Variants in INSM1 observed in about 807,000 individuals in gnomAD.
The protein encoded by INSM1 is INSM transcriptional repressor 1.
INSM1 carries 11 observed loss-of-function variants against 21.1 expected under a neutral mutation model. That is an observed-to-expected ratio of 0.52 (90% confidence interval 0.33 to 0.86). The LOEUF (loss-of-function observed/expected upper bound fraction) is 0.86, where lower values mean the gene tolerates loss of function less well. Among genes scored for constraint, INSM1 ranks in the 40% least tolerant of loss-of-function variants. INSM1 has a pLI of 0.03. For synonymous variants in INSM1, 473 were observed against 386.1 expected, an observed-to-expected ratio of 1.23 and a Z score of -2.64; for missense variants, 843 against 760.1, an observed-to-expected ratio of 1.11 and a Z score of -1.28.
rs2122528401 is a variant in INSM1 at position 20,369,829 on chromosome 20, T to C, written c.*29T>C. 1 of 1,557,346 alleles carries C rather than the reference T, an allele frequency of 6.4e-7. No individual in the cohort carries two copies. Among genetic ancestry groups the C allele is most frequent in the Middle Eastern group, 1.7e-4 (1 of 5,792 alleles). On this transcript the variant is annotated 3_prime_UTR_variant, in exon 1 of 1. Coordinates refer to ENST00000310227, the MANE Select transcript of INSM1 (RefSeq NM_002196.3). The surrounding 1 kb of genome is among the most constrained non-coding windows in gnomAD (Gnocchi z 5.6). ...GCGCCCTCCACCCCGGCCCCCGAAC[T>C]GTGCCTTCGCTTGGAGACCCACAAA...
In INSM1 at chr20:20,368,510, G is replaced by T. The variant is rs2059484788; in HGVS notation, c.243G>T (p.Gln81His). The T allele has an allele frequency of 1.6e-6, 2 of 1,226,600 alleles. No homozygotes were observed. The highest frequency in any genetic ancestry group is 2.1e-6 in the Non-Finnish European group (2 of 967,032). The allele number at this position is 1,226,600 out of a possible 1,614,324, so 76.0% of individuals were successfully genotyped here. ...CGCCTGGGCCGCAGCCACCCCCGCAGGGCCCGCGGGCCGCGCACTTCGGCA... is the reference window on the plus strand; with the variant it reads ...CGCCTGGGCCGCAGCCACCCCCGCATGGCCCGCGGGCCGCGCACTTCGGCA... Reference protein sequence around the residue: ...ACAPGPQPPPQGPRAAHFGNP... With the variant: ...ACAPGPQPPPHGPRAAHFGNP... Residue 81 changes from glutamine (Q) to histidine (H), a missense_variant, in exon 1 of 1, where the codon CAG becomes CAT. By Grantham distance (24) the Gln-to-His change is conservative. Coordinates refer to ENST00000310227, the MANE Select transcript of INSM1 (RefSeq NM_002196.3). The surrounding 1 kb of genome is among the most constrained non-coding windows in gnomAD (Gnocchi z 4.3).
rs1358927470 is a variant in INSM1, at chr20:20,368,816, G to A, written c.549G>A (p.Pro183=). Reference sequence around the variant, plus strand: ...CTGGCGCCGAGGCGGCCCGCGGCCCGGGCCCCGGCCCCCCACTGCCCCCTG... The same window carrying A: ...CTGGCGCCGAGGCGGCCCGCGGCCCAGGCCCCGGCCCCCCACTGCCCCCTG... The part of the protein sequence containing the change: ...FSAGAEAARG[P]GPGPPLPPAA... The change falls in exon 1 of 1, where the codon CCG becomes CCA. Residue 183 remains proline (P), a synonymous_variant. Coordinates refer to ENST00000310227, the MANE Select transcript of INSM1 (RefSeq NM_002196.3). The surrounding 1 kb of genome is among the most constrained non-coding windows in gnomAD (Gnocchi z 4.3). The A allele has an allele frequency of 1.8e-6, 2 of 1,111,048 alleles. No individual in the cohort carries two copies. The highest frequency in any genetic ancestry group is 4.7e-5 in the Admixed American group (1 of 21,242). 68.8% of individuals were successfully genotyped at this position (1,111,048 alleles called of 1,614,324 possible). A position where few individuals can be genotyped will look rare whatever the true frequency, so the allele number is the denominator to read the frequency against.
Position 20,369,590 on chromosome 20 carries a change from C to T in INSM1, c.1323C>T (p.His441=), listed in dbSNP as rs202019561. 6 of 1,600,156 alleles carry T rather than the reference C, an allele frequency of 3.7e-6. No homozygotes were observed. The highest frequency in any genetic ancestry group is 4.5e-5 in the East Asian group (2 of 44,830). The part of the protein sequence containing the change: ...VLGLSASAEC[H]LCPVCGESFA... Reference sequence around the variant, plus strand: ...GCCTGAGTGCGTCCGCCGAGTGCCACCTGTGCCCAGTGTGCGGAGAGTCGT... The same window carrying T: ...GCCTGAGTGCGTCCGCCGAGTGCCATCTGTGCCCAGTGTGCGGAGAGTCGT... Residue 441 remains histidine (H), a synonymous_variant, in exon 1 of 1, where the codon CAC becomes CAT. Transcript: ENST00000310227. This position sits in a 1 kb window ranked among gnomAD's most constrained non-coding sequence, Gnocchi z 5.6.
Position 20,368,367 on chromosome 20 carries a change from C to G in INSM1, c.100C>G (p.Pro34Ala). 8.8e-7 allele frequency: 1 copy of G among 1,136,872 alleles called. No homozygotes were observed. Among genetic ancestry groups the G allele is most frequent in the Non-Finnish European group, 1.1e-6 (1 of 918,480 alleles). The allele number at this position is 1,136,872 out of a possible 1,614,324, so 70.4% of individuals were successfully genotyped here. The change falls in exon 1 of 1, where the codon CCC becomes GCC. Residue 34 changes from proline to alanine, a missense_variant. Pro to Ala is a conservative substitution (Grantham distance 27, BLOSUM62 -1). Coordinates refer to ENST00000310227, the MANE Select transcript of INSM1 (RefSeq NM_002196.3). This position sits in a 1 kb window ranked among gnomAD's most constrained non-coding sequence, Gnocchi z 4.3. ...EDGDRALLLS[P>A]SCGGARAEPP... ...CGGCGACCGCGCACTGCTGCTCTCG[C>G]CCAGCTGCGGGGGCGCCCGCGCCGA...
At position 20,368,379 on chromosome 20, in the gene INSM1, G is replaced by C. The variant is rs746162324; in HGVS notation, c.112G>C (p.Gly38Arg). Reference sequence around the variant, plus strand: ...ACTGCTGCTCTCGCCCAGCTGCGGGGGCGCCCGCGCCGAGCCCCCGGCGCC... The same window carrying C: ...ACTGCTGCTCTCGCCCAGCTGCGGGCGCGCCCGCGCCGAGCCCCCGGCGCC... ...RALLLSPSCG[G>R]ARAEPPAPSP... Residue 38 changes from glycine to arginine, a missense_variant, in exon 1 of 1, where the codon GGC (glycine) becomes CGC (arginine). Gly to Arg is a moderately radical substitution (Grantham distance 125). Transcript: ENST00000310227. This position sits in a 1 kb window ranked among gnomAD's most constrained non-coding sequence, Gnocchi z 4.3. 1.0e-5 allele frequency: 11 copies of C among 1,079,252 alleles called. No individual in the cohort carries two copies. The highest frequency in any genetic ancestry group is 1.7e-5 in the African/African-American group (1 of 58,472). 66.9% of individuals were successfully genotyped at this position (1,079,252 alleles called of 1,614,324 possible).
Position 20,370,119 on chromosome 20 carries a change from G to T in INSM1, c.*319G>T. On this transcript the variant is annotated 3_prime_UTR_variant, in exon 1 of 1. Coordinates refer to ENST00000310227, the MANE Select transcript of INSM1 (RefSeq NM_002196.3). ...TGGTTGGAAGCCTCCCCTTGGCGGGGAGAAGCTTTTTTTCTTGCTAGTATT... is the reference window on the plus strand; with the variant it reads ...TGGTTGGAAGCCTCCCCTTGGCGGGTAGAAGCTTTTTTTCTTGCTAGTATT... 1 of 326,836 alleles carries T rather than the reference G, an allele frequency of 3.1e-6. No homozygotes were observed. Among genetic ancestry groups the T allele is most frequent in the East Asian group, 5.6e-5 (1 of 17,986 alleles). 20.2% of individuals were successfully genotyped at this position (326,836 alleles called of 1,614,324 possible). A position where few individuals can be genotyped will look rare whatever the true frequency, so the allele number is the denominator to read the frequency against.
chr20:20,369,275 G>T lies in INSM1; in HGVS notation c.1008G>T (p.Arg336Ser), dbSNP rs1417321354. Residue 336 changes from arginine to serine, a missense_variant, in exon 1 of 1, where the codon AGG (arginine) becomes AGT (serine). Transcript: ENST00000310227. The surrounding 1 kb of genome is among the most constrained non-coding windows in gnomAD (Gnocchi z 5.6). ...CGCCGGAGCCAGAAGCAGCAGCCAG[G>T]GCTGAGGCGCGGGAGGCACCCGGCG... ...ARAPEPEAAA[R>S]AEAREAPGGG... 2.9e-6 allele frequency: 4 copies of T among 1,396,484 alleles called. No individual in the cohort carries two copies. The highest frequency in any genetic ancestry group is 3.7e-6 in the Non-Finnish European group (4 of 1,088,132). 86.5% of individuals were successfully genotyped at this position (1,396,484 alleles called of 1,614,324 possible).
chr20:20,368,982 C>A lies in INSM1; in HGVS notation c.715C>A (p.Pro239Thr). The A allele has an allele frequency of 1.3e-6, 2 of 1,550,358 alleles. No homozygotes were observed. Among genetic ancestry groups the A allele is most frequent in the Non-Finnish European group, 8.7e-7 (1 of 1,151,064 alleles). Residue 239 changes from proline (P) to threonine (T), a missense_variant, in exon 1 of 1, where the codon CCC becomes ACC. Coordinates refer to ENST00000310227, the MANE Select transcript of INSM1 (RefSeq NM_002196.3). This position sits in a 1 kb window ranked among gnomAD's most constrained non-coding sequence, Gnocchi z 4.3. Reference sequence around the variant, plus strand: ...CTTCGAGGACGAGGTGACCACGTCGCCCGTGCTGGGGCTCAAGATCAAGGA... The same window carrying A: ...CTTCGAGGACGAGGTGACCACGTCGACCGTGCTGGGGCTCAAGATCAAGGA... ...LHFEDEVTTS[P>T]VLGLKIKEGP... is the part of the protein sequence containing the mutation.
In INSM1 at chr20:20,370,640, G is replaced by T. The variant is rs1352607962; in HGVS notation, c.*840G>T. On this transcript the variant is annotated 3_prime_UTR_variant, in exon 1 of 1. Transcript: ENST00000310227. ...TTATTTGATTGCAGATTTTTTTGGCGCGCTGCCCCCTCCCCACCCTGCCAC... is the reference window on the plus strand; with the variant it reads ...TTATTTGATTGCAGATTTTTTTGGCTCGCTGCCCCCTCCCCACCCTGCCAC... 2 of 166,436 alleles carry T rather than the reference G, an allele frequency of 1.2e-5. No homozygotes were observed. Among genetic ancestry groups the T allele is most frequent in the Non-Finnish European group, 2.9e-5 (2 of 68,030 alleles). The allele number at this position is 166,436 out of a possible 1,614,324, so 10.3% of individuals were successfully genotyped here. A position where few individuals can be genotyped will look rare whatever the true frequency, so the allele number is the denominator to read the frequency against.
rs1216987874 is a variant in INSM1 at position 20,369,042 on chromosome 20, G to A, written c.775G>A (p.Gly259Ser). ...GGAGGCGCCGCGGGGCCGCGCGGGG[G>A]GCGCGGCGCGGCCGCTGGGCGAGTT... ...PVEAPRGRAG[G>S]AARPLGEFIC... Residue 259 changes from glycine (G) to serine (S), a missense_variant, in exon 1 of 1, where the codon GGC (glycine) becomes AGC (serine). By Grantham distance (56) the Gly-to-Ser change is moderately conservative (BLOSUM62 0). Transcript: ENST00000310227. The surrounding 1 kb of genome is among the most constrained non-coding windows in gnomAD (Gnocchi z 5.6). The A allele has an allele frequency of 6.5e-7, 1 of 1,545,976 alleles. No individual in the cohort carries two copies. The highest frequency in any genetic ancestry group is 2.4e-5 in the East Asian group (1 of 40,888).
At position 20,369,074 on chromosome 20, in the gene INSM1, C is replaced by A; in HGVS notation, c.807C>A (p.Cys269Ter). 6.3e-7 allele frequency: 1 copy of A among 1,579,130 alleles called. No homozygotes were observed. The highest frequency in any genetic ancestry group is 8.6e-7 in the Non-Finnish European group (1 of 1,167,540). ...CGCGGCCGCTGGGCGAGTTCATCTG[C>A]CAGCTGTGCAAGGAGGAGTACGCCG... ...GAARPLGEFI[C>*]QLCKEEYADP... The change falls in exon 1 of 1, where the codon TGC (cysteine) becomes TGA (stop). Residue 269 changes from cysteine to a stop codon, truncating the protein, a stop_gained. Transcript: ENST00000310227. LOFTEE classifies it high-confidence loss of function. This position sits in a 1 kb window ranked among gnomAD's most constrained non-coding sequence, Gnocchi z 5.6.
In INSM1 at chr20:20,369,138, G is replaced by C; in HGVS notation, c.871G>C (p.Val291Leu). The C allele has an allele frequency of 1.9e-6, 3 of 1,586,528 alleles. No homozygotes were observed. The highest frequency in any genetic ancestry group is 1.7e-6 in the Non-Finnish European group (2 of 1,172,156). The change falls in exon 1 of 1, where the codon GTG becomes CTG. Residue 291 changes from valine (V) to leucine (L), a missense_variant. Val to Leu is a conservative substitution (Grantham distance 32, BLOSUM62 1). Coordinates refer to ENST00000310227, the MANE Select transcript of INSM1 (RefSeq NM_002196.3). This position sits in a 1 kb window ranked among gnomAD's most constrained non-coding sequence, Gnocchi z 5.6. ...ALAQHKCSRI[V>L]RVEYRCPECA... is the part of the protein sequence containing the mutation. ...GGCGCAGCACAAATGCTCGCGCATC[G>C]TGCGTGTGGAGTACCGCTGTCCCGA...
Position 20,369,834 on chromosome 20 carries a change from C to G in INSM1, c.*34C>G. On this transcript the variant is annotated 3_prime_UTR_variant, in exon 1 of 1. Coordinates refer to ENST00000310227, the MANE Select transcript of INSM1 (RefSeq NM_002196.3). The surrounding 1 kb of genome is among the most constrained non-coding windows in gnomAD (Gnocchi z 5.6). ...CTCCACCCCGGCCCCCGAACTGTGCCTTCGCTTGGAGACCCACAAAGAGAG... is the reference window on the plus strand; with the variant it reads ...CTCCACCCCGGCCCCCGAACTGTGCGTTCGCTTGGAGACCCACAAAGAGAG... 1 of 1,552,230 alleles carries G rather than the reference C, an allele frequency of 6.4e-7. No individual in the cohort carries two copies. The highest frequency in any genetic ancestry group is 8.7e-7 in the Non-Finnish European group (1 of 1,146,756).
chr20:20,368,266 A>T lies in INSM1; in HGVS notation c.-2A>T. 1 of 1,258,382 alleles carries T rather than the reference A, an allele frequency of 7.9e-7. No homozygotes were observed. The highest frequency in any genetic ancestry group is 1.7e-5 in the South Asian group (1 of 57,488). The allele number at this position is 1,258,382 out of a possible 1,614,324, so 78.0% of individuals were successfully genotyped here. A position where few individuals can be genotyped will look rare whatever the true frequency, so the allele number is the denominator to read the frequency against. ...AGTGCCGTGCCCTCGGGCCGCGCCAACATGCCCCGCGGCTTCCTGGTGAAG... is the reference window on the plus strand; with the variant it reads ...AGTGCCGTGCCCTCGGGCCGCGCCATCATGCCCCGCGGCTTCCTGGTGAAG... On this transcript the variant is annotated 5_prime_UTR_variant, in exon 1 of 1. Coordinates refer to ENST00000310227, the MANE Select transcript of INSM1 (RefSeq NM_002196.3). The surrounding 1 kb of genome is among the most constrained non-coding windows in gnomAD (Gnocchi z 4.3).
At position 20,368,252 on chromosome 20, in the gene INSM1, C is replaced by A; in HGVS notation, c.-16C>A. Reference sequence around the variant, plus strand: ...GGGGGGACCGAGCCAGTGCCGTGCCCTCGGGCCGCGCCAACATGCCCCGCG... The same window carrying A: ...GGGGGGACCGAGCCAGTGCCGTGCCATCGGGCCGCGCCAACATGCCCCGCG... On this transcript the variant is annotated 5_prime_UTR_variant, in exon 1 of 1. Coordinates refer to ENST00000310227, the MANE Select transcript of INSM1 (RefSeq NM_002196.3). The surrounding 1 kb of genome is among the most constrained non-coding windows in gnomAD (Gnocchi z 4.3). 1 of 1,220,324 alleles carries A rather than the reference C, an allele frequency of 8.2e-7. No homozygotes were observed. Among genetic ancestry groups the A allele is most frequent in the South Asian group, 2.0e-5 (1 of 50,422 alleles). 75.6% of individuals were successfully genotyped at this position (1,220,324 alleles called of 1,614,324 possible).
At position 20,369,993 on chromosome 20, in the gene INSM1, G is replaced by A. The variant is rs190815913; in HGVS notation, c.*193G>A. The stretch of plus-strand genomic sequence containing the variant: ...CCATACTCTCCTTTTGACTCCTTTT[G>A]GAACCCCCACTTTTACGTTGTGTCC... On this transcript the variant is annotated 3_prime_UTR_variant, in exon 1 of 1. Transcript: ENST00000310227. The surrounding 1 kb of genome is among the most constrained non-coding windows in gnomAD (Gnocchi z 5.6). 70 of 553,418 alleles carry A rather than the reference G, an allele frequency of 1.3e-4. 1 individual carries two copies. In the East Asian group the frequency reaches 1.9e-3, roughly 15 times the overall value. 34.3% of individuals were successfully genotyped at this position (553,418 alleles called of 1,614,324 possible). A position where few individuals can be genotyped will look rare whatever the true frequency, so the allele number is the denominator to read the frequency against.
Position 20,368,367 on chromosome 20 carries a change from C to T in INSM1, c.100C>T (p.Pro34Ser). ...CGGCGACCGCGCACTGCTGCTCTCGCCCAGCTGCGGGGGCGCCCGCGCCGA... is the reference window on the plus strand; with the variant it reads ...CGGCGACCGCGCACTGCTGCTCTCGTCCAGCTGCGGGGGCGCCCGCGCCGA... ...EDGDRALLLSPSCGGARAEPP... is the reference protein window; with the variant it reads ...EDGDRALLLSSSCGGARAEPP... The change falls in exon 1 of 1, where the codon CCC (proline) becomes TCC (serine). Residue 34 changes from proline to serine, a missense_variant. Pro to Ser is a moderately conservative substitution (Grantham distance 74). Transcript: ENST00000310227. This position sits in a 1 kb window ranked among gnomAD's most constrained non-coding sequence, Gnocchi z 4.3. The T allele has an allele frequency of 8.8e-7, 1 of 1,136,872 alleles. No homozygotes were observed. The allele number at this position is 1,136,872 out of a possible 1,614,324, so 70.4% of individuals were successfully genotyped here. A position where few individuals can be genotyped will look rare whatever the true frequency, so the allele number is the denominator to read the frequency against.
rs1333372238 is a variant in INSM1 at position 20,368,425 on chromosome 20, T to TGCCGCCGCC, written c.165_173dup (p.Pro56_Pro58dup). On this transcript the variant is annotated inframe_insertion, in exon 1 of 1. Transcript: ENST00000310227. This position sits in a 1 kb window ranked among gnomAD's most constrained non-coding sequence, Gnocchi z 4.3. ...GCGCCGAGCCCGGTCCCCGGGCCGC[T>TGCCGCCGCC]GCCGCCGCCGCCGCCCGCGGAGCGC... The TGCCGCCGCC allele has an allele frequency of 1.0e-6, 1 of 988,314 alleles. No homozygotes were observed. The highest frequency in any genetic ancestry group is 1.2e-6 in the Non-Finnish European group (1 of 833,624). 61.2% of individuals were successfully genotyped at this position (988,314 alleles called of 1,614,324 possible). A position where few individuals can be genotyped will look rare whatever the true frequency, so the allele number is the denominator to read the frequency against.
chr20:20,368,921 G>A lies in INSM1; in HGVS notation c.654G>A (p.Pro218=), dbSNP rs759279914. 61 of 1,518,388 alleles carry A rather than the reference G, an allele frequency of 4.0e-5. No homozygotes were observed. The highest frequency in any genetic ancestry group is 5.3e-5 in the Non-Finnish European group (60 of 1,136,860). The allele number at this position is 1,518,388 out of a possible 1,614,324, so 94.1% of individuals were successfully genotyped here. A position where few individuals can be genotyped will look rare whatever the true frequency, so the allele number is the denominator to read the frequency against. The part of the protein sequence containing the change: ...AEPPAKAVKA[P]GAKKPKAIRK... ...CGCCCGCCAAGGCAGTCAAGGCCCC[G>A]GGCGCCAAGAAGCCCAAGGCCATCC... The change falls in exon 1 of 1, where the codon CCG becomes CCA. Residue 218 remains proline (P), a synonymous_variant. Coordinates refer to ENST00000310227, the MANE Select transcript of INSM1 (RefSeq NM_002196.3). The surrounding 1 kb of genome is among the most constrained non-coding windows in gnomAD (Gnocchi z 4.3).
Sources: allele counts gnomAD v4.1 joint callset, GRCh38; gene constraint gnomAD v4.1.1; non-coding constraint Gnocchi (gnomAD v3.1); transcripts MANE v1.5; gene names NCBI Gene and HGNC (gene_info 2026-07-23, HGNC 2026-07-21).